The following PCSK5 variants were observed in gnomAD, a reference collection of about 807,000 sequenced individuals.
PCSK5 encodes proprotein convertase subtilisin/kexin type 5.
In PCSK5, 129 loss-of-function variants were observed where a neutral mutation model predicts 233.2. The observed-to-expected ratio is 0.55, with a 90% CI of 0.48 to 0.64. The LOEUF is 0.64. Among genes scored for constraint, PCSK5 ranks in the 30% least tolerant of loss-of-function variants. The pLI is 0.00. For synonymous variants in PCSK5, 825 were observed against 879.2 expected, an observed-to-expected ratio of 0.94 and a Z score of 1.09; for missense variants, 2,076 against 2,430.1, an observed-to-expected ratio of 0.85 and a Z score of 3.06.
At chr9:76,175,239 A>T (rs1429480348) in intron 14 of PCSK5, 110 bp downstream of exon 14, 2 of 531,812 alleles carry the variant, frequency 3.8e-6, no homozygotes, top group Non-Finnish European at 6.3e-6. Flanking sequence ...ATGGAATGAA[A>T]TGGAATGGAA....
intron 1 of PCSK5, among the ~76,000 whole-genome samples, chr9:75,926,619 T>C (rs962602970): frequency 1.3e-5 from 2 of 152,226 alleles, no homozygotes; most frequent in African/African-American, 4.8e-5. Flanking sequence ...ACACCCAGGC[T>C]ATCACTGATC....
intron 2 of PCSK5, among the ~76,000 whole-genome samples, chr9:75,953,658 G>GTC (rs1438702134): frequency 1.3e-5 from 2 of 152,032 alleles, no homozygotes; most frequent in Non-Finnish European, 2.9e-5. Context: ...GTGTGTGTGT[G>GTC]TGTGTGTGTT....
intron 5 of PCSK5, among the ~76,000 whole-genome samples, chr9:76,049,713 A>C (rs1293803481): frequency 1.3e-5 from 2 of 152,222 alleles, no homozygotes; most frequent in Admixed American, 6.5e-5. Context: ...TCAGTCAAAC[A>C]GATAATTGTC....
intron 14 of PCSK5, chr9:76,175,582 A>G: frequency 5.3e-6 from 1 of 189,464 alleles, no homozygotes; most frequent in Non-Finnish European, 1.1e-5. Flanking sequence ...CTATATCTTC[A>G]TTATTTCTTT....
chr9:76,062,751 G>A (rs1356132852), intron 5 of PCSK5, among the ~76,000 whole-genome samples: 9 of 152,018 alleles, frequency 5.9e-5, no homozygotes, highest in Non-Finnish European at 4.4e-5. Flanking sequence ...ATCAAATAAG[G>A]GTAACTAGGT....
chr9:76,055,118 A>G (rs1300096916), intron 5 of PCSK5, among the ~76,000 whole-genome samples: 2 of 152,166 alleles, frequency 1.3e-5, no homozygotes, highest in African/African-American at 4.8e-5. Flanking sequence ...CAGAATCTCT[A>G]TTGCTAAGTA....
chr9:76,001,370 GCTGCC>G (rs990882725), intron 3 of PCSK5, among the ~76,000 whole-genome samples: 6 of 151,128 alleles, frequency 4.0e-5, no homozygotes, highest in African/African-American at 1.5e-4. Context: ...TGACTCTCAT[GCTGCC>G]CAGAATCTTC....
intron 35 of PCSK5, 23 bp downstream of exon 35, chr9:76,338,470 G>T (rs754264618): frequency 4.0e-6 from 6 of 1,506,442 alleles, no homozygotes; most frequent in Non-Finnish European, 5.5e-6. Flanking sequence ...CTGTCATTTT[G>T]CATGAGTGCG....
At chr9:76,063,865 G>C (rs1587573539) in intron 5 of PCSK5, among the ~76,000 whole-genome samples, 1 of 60,538 alleles carries the variant, frequency 1.7e-5, no homozygotes, top group African/African-American at 1.4e-4. Context: ...AGACGGGGTG[G>C]TGGCCGGGCA....
intron 8 of PCSK5, among the ~76,000 whole-genome samples, chr9:76,102,974 C>G (rs983393119): frequency 6.6e-6 from 1 of 152,116 alleles, no homozygotes; most frequent in Non-Finnish European, 1.5e-5. Context: ...TGATAGTAAC[C>G]CTCCATTTGT....
intron 5 of PCSK5, among the ~76,000 whole-genome samples, chr9:76,035,064 G>A (rs1256264927): frequency 6.6e-6 from 1 of 152,144 alleles, no homozygotes; most frequent in Non-Finnish European, 1.5e-5. Flanking sequence ...ATTGGGTTTG[G>A]GAAGTCAGTT....
In PCSK5 at chr9:76,250,884, C is replaced by T. The variant is rs914349526; in HGVS notation, c.3142+10200C>T. Among the ~76,000 whole-genome samples, 4 of 152,174 alleles carry T rather than the reference C, an allele frequency of 2.6e-5. No homozygotes were observed. The South Asian group carries it at 8.3e-4, about 32-fold the overall frequency. ...TATATCTTGATTGTTGGAGTGATTG[C>T]ATGACTATAAGCATTTGCCAAAATT... On this transcript the variant is annotated intron_variant, in intron 24 of 37. Coordinates refer to ENST00000674117, the MANE Select transcript of PCSK5 (RefSeq NM_001372043.1).
At chr9:76,084,534 G>T (rs958409362) in intron 7 of PCSK5, among the ~76,000 whole-genome samples, 1 of 152,074 alleles carries the variant, frequency 6.6e-6, no homozygotes, top group Non-Finnish European at 1.5e-5. Flanking sequence ...TTTTGGTTTG[G>T]TTCGTTCTGT....
intron 11 of PCSK5, among the ~76,000 whole-genome samples, chr9:76,158,380 T>G (rs1361111274): frequency 3.3e-5 from 5 of 152,046 alleles, no homozygotes; most frequent in Non-Finnish European, 7.4e-5. Flanking sequence ...GTCCCCAAGG[T>G]GGGAAACTTG....
At chr9:75,905,062 T>C (rs1247264792) in intron 1 of PCSK5, among the ~76,000 whole-genome samples, 1 of 152,192 alleles carries the variant, frequency 6.6e-6, no homozygotes, top group Non-Finnish European at 1.5e-5. Flanking sequence ...GCCACATTAT[T>C]GTATCATTCT....
At chr9:76,260,466 G>C (rs10781354) in intron 24 of PCSK5, among the ~76,000 whole-genome samples, 70,627 of 152,094 alleles carry the variant, frequency 0.46, 18,464 homozygotes, top group East Asian at 0.59. Context: ...CAGAAAGACA[G>C]ACGAGACAGG....
chr9:76,342,297 T>A (rs558287377), intron 35 of PCSK5, among the ~76,000 whole-genome samples: 6 of 152,304 alleles, frequency 3.9e-5, no homozygotes, highest in African/African-American at 1.4e-4. Context: ...CTAATCCAAA[T>A]GCCTGGTGGG....
rs565684069 is a variant in PCSK5 at position 76,270,332 on chromosome 9, C to T, written c.3143-21901C>T. ...GCTGAGAATGTGAAATGTACCTAAG[C>T]AATCAGGGAATGGAAGGTTGTGTTT... On this transcript the variant is annotated intron_variant, in intron 24 of 37. Transcript: ENST00000674117. 2.2e-3 allele frequency among the ~76,000 whole-genome samples: 339 copies of T among 152,276 alleles called. 1 individual carries two copies. The highest frequency in any genetic ancestry group is 3.8e-3 in the Non-Finnish European group (257 of 68,030).
Position 76,321,591 on chromosome 9 carries a change from C to T in PCSK5, c.4054C>T (p.His1352Tyr). The T allele has an allele frequency of 6.2e-7, 1 of 1,612,564 alleles. No individual in the cohort carries two copies. The highest frequency in any genetic ancestry group is 2.2e-5 in the East Asian group (1 of 44,862). ...CGTGGCTGTGAAGGGGGTATGCAAG[C>T]ATTGCCCAGAGATGTGTCAGGACTG... ...RHVAVKGVCK[H>Y]CPEMCQDCIH... The change falls in exon 31 of 38, where the codon CAT (histidine) becomes TAT (tyrosine). Residue 1352 changes from histidine to tyrosine, a missense_variant. Around this residue, in one of 6 missense-constraint regions of PCSK5, gnomAD observed 1,510 missense variants for 1,538.1 expected, o/e 0.98. Transcript: ENST00000674117.
Sources: gnomAD v4.1 joint callset for allele counts (sites outside exome capture counted in the v4.1 genomes callset) on GRCh38, gnomAD v4.1.1 for gene constraint, gnomAD v4.1.1 regional missense constraint, MANE v1.5 for transcripts, NCBI Gene and HGNC (gene_info 2026-07-23, HGNC 2026-07-21) for gene names.